DXO: variants seen among roughly 807,000 people sequenced by gnomAD.
DXO encodes the protein decapping exoribonuclease.
In DXO, 42 loss-of-function variants were observed where a neutral mutation model predicts 39.8. The observed-to-expected ratio is 1.06, with a 90% confidence interval of 0.83 to 1.37. The LOEUF (loss-of-function observed/expected upper bound fraction) is 1.37, where lower values mean the gene tolerates loss of function less well. Ranked by LOEUF, DXO falls within the 40% of genes most tolerant of loss-of-function variation. The pLI, the probability that DXO is intolerant of heterozygous loss-of-function variation, is 0.00. For synonymous variants in DXO, 193 were observed against 200.4 expected (o/e 0.96, Z 0.31); for missense variants, 495 against 513.0 (o/e 0.96, Z 0.34).
rs767879196 is a variant in DXO, at chr6:31,971,290, C to T, written c.356+30G>A. On this transcript the variant is annotated intron_variant, in intron 2 of 6. Transcript: ENST00000337523. The surrounding 1 kb of genome is among the most constrained non-coding windows in gnomAD (Gnocchi z 4.5). ...ATTTTAGAGGGTAGGTACGGGTCTCCAGATATACTGCCTACCACGCTTTGC... is the reference window on the plus strand; with the variant it reads ...ATTTTAGAGGGTAGGTACGGGTCTCTAGATATACTGCCTACCACGCTTTGC... 5 of 1,537,402 alleles carry T rather than the reference C, an allele frequency of 3.3e-6. No individual in the cohort carries two copies. The African/African-American group carries it at 4.1e-5, about 13-fold the overall frequency.
At position 31,970,463 on chromosome 6, in the gene DXO, T is replaced by A; in HGVS notation, c.828A>T (p.Lys276Asn). 6.2e-7 allele frequency: 1 copy of A among 1,613,974 alleles called. No homozygotes were observed. Among genetic ancestry groups the A allele is most frequent in the Non-Finnish European group, 8.5e-7 (1 of 1,179,976 alleles). The change falls in exon 5 of 7, where the codon AAA becomes AAT. Residue 276 changes from lysine (K) to asparagine (N), a missense_variant. Coordinates refer to ENST00000337523, the MANE Select transcript of DXO (RefSeq NM_005510.4). The surrounding 1 kb of genome is among the most constrained non-coding windows in gnomAD (Gnocchi z 4.0). ...WRSFYRHKLL[K>N]WWAQSFLPGV... ...CTGGGAGGAATGACTGAGCCCACCA[T>A]TTCAGGAGCTTGTGTCTGACAGGAA...
In DXO at chr6:31,971,596, G is replaced by T. The variant is rs771600493; in HGVS notation, c.80C>A (p.Pro27His). The T allele has an allele frequency of 1.2e-5, 19 of 1,613,634 alleles. No individual in the cohort carries two copies. Among genetic ancestry groups the T allele is most frequent in the Non-Finnish European group, 1.6e-5 (19 of 1,180,038 alleles). The change falls in exon 2 of 7, where the codon CCT becomes CAT. Residue 27 changes from proline (P) to histidine (H), a missense_variant. Pro to His is a moderately conservative substitution (Grantham distance 77). Coordinates refer to ENST00000337523, the MANE Select transcript of DXO (RefSeq NM_005510.4). This position sits in a 1 kb window ranked among gnomAD's most constrained non-coding sequence, Gnocchi z 4.5. ...GAGGGCAGGGTCTGTGGGCAGAGAAGGTGCTGGACGAGGTAGTTTGTTCCG... is the reference window on the plus strand; with the variant it reads ...GAGGGCAGGGTCTGTGGGCAGAGAATGTGCTGGACGAGGTAGTTTGTTCCG... ...EPRNKLPRPA[P>H]SLPTDPALYS...
In DXO at chr6:31,971,809, C is replaced by T; in HGVS notation, c.-7+120G>A. 7.6e-7 allele frequency: 1 copy of T among 1,316,252 alleles called. No individual in the cohort carries two copies. Among genetic ancestry groups the T allele is most frequent in the Non-Finnish European group, 1.0e-6 (1 of 985,848 alleles). The allele number at this position is 1,316,252 out of a possible 1,614,324, so 81.5% of individuals were successfully genotyped here. ...TTGAAACATTCAGGCCCCTCAGACG[C>T]CACCGCGGCCAAGCTCTCATCCTGC... is the stretch of plus-strand genomic sequence containing the variant. On this transcript the variant is annotated intron_variant, in intron 1 of 6. Transcript: ENST00000337523. This position sits in a 1 kb window ranked among gnomAD's most constrained non-coding sequence, Gnocchi z 4.5.
chr6:31,971,531 G>A lies in DXO; in HGVS notation c.145C>T (p.Leu49=). ...PFPFYRRPSE[L]GCFSLDAQRQ... ...TGAGCATCCAGGGAGAAGCAGCCCA[G>A]TTCCGAAGGGCGCCGGTAGAAAGGA... Residue 49 remains leucine, a synonymous_variant, in exon 2 of 7, where the codon CTG becomes TTG. Transcript: ENST00000337523. The surrounding 1 kb of genome is among the most constrained non-coding windows in gnomAD (Gnocchi z 4.5). The A allele has an allele frequency of 6.2e-7, 1 of 1,614,218 alleles. No individual in the cohort carries two copies. The highest frequency in any genetic ancestry group is 8.5e-7 in the Non-Finnish European group (1 of 1,180,042).
Position 31,969,899 on chromosome 6 carries a change from G to C in DXO, c.1169C>G (p.Pro390Arg), listed in dbSNP as rs766101164. Residue 390 changes from proline to arginine, a missense_variant, in exon 7 of 7, where the codon CCC (proline) becomes CGC (arginine). Pro to Arg is a moderately radical substitution (Grantham distance 103, BLOSUM62 -2). Coordinates refer to ENST00000337523, the MANE Select transcript of DXO (RefSeq NM_005510.4). The surrounding 1 kb of genome is among the most constrained non-coding windows in gnomAD (Gnocchi z 6.1). ...EAMTQDLPSP[P>R]KTPSPK is the part of the protein sequence containing the mutation. ...TTACTATTTGGGAGAGGGAGTCTTG[G>C]GGGGTGATGGGAGGTCCTGAGTCAT... 4 of 1,613,984 alleles carry C rather than the reference G, an allele frequency of 2.5e-6. No homozygotes were observed. The highest frequency in any genetic ancestry group is 2.2e-5 in the East Asian group (1 of 44,892).
chr6:31,971,183 C>G lies in DXO; in HGVS notation c.357-36G>C, dbSNP rs774932520. The G allele has an allele frequency of 1.9e-6, 3 of 1,603,694 alleles. No individual in the cohort carries two copies. The highest frequency in any genetic ancestry group is 1.7e-4 in the Middle Eastern group (1 of 6,030). ...GGAGTTACAGGCTGAAGGTCTGACA[C>G]AAGCATTAGTGAGATGCTCCCCTCG... On this transcript the variant is annotated intron_variant, in intron 2 of 6. Coordinates refer to ENST00000337523, the MANE Select transcript of DXO (RefSeq NM_005510.4). This position sits in a 1 kb window ranked among gnomAD's most constrained non-coding sequence, Gnocchi z 4.5.
In DXO at chr6:31,970,007, G is replaced by A; in HGVS notation, c.1061C>T (p.Ser354Phe). Residue 354 changes from serine (S) to phenylalanine (F), a missense_variant, in exon 7 of 7, where the codon TCT becomes TTT. Transcript: ENST00000337523. The surrounding 1 kb of genome is among the most constrained non-coding windows in gnomAD (Gnocchi z 4.0). ...GGTGACTGGGCCGCCAGGCTCCCAA[G>A]AGAAGAGATGAACGAGCCTGGGGGG... ...QDDPRLVHLFSWEPGGPVTVS... is the reference protein window; with the variant it reads ...QDDPRLVHLFFWEPGGPVTVS... The A allele has an allele frequency of 6.2e-7, 1 of 1,614,062 alleles. No individual in the cohort carries two copies. The highest frequency in any genetic ancestry group is 1.1e-5 in the South Asian group (1 of 91,078).
In DXO at chr6:31,970,430, C is replaced by T. The variant is rs374204728; in HGVS notation, c.861G>A (p.Pro287=). Residue 287 remains proline, a synonymous_variant, in exon 5 of 7, where the codon CCG becomes CCA. Transcript: ENST00000337523. The surrounding 1 kb of genome is among the most constrained non-coding windows in gnomAD (Gnocchi z 4.0). ...WWAQSFLPGV[P]NVVAGFRNPD... is the part of the protein sequence containing the mutation. ...GGTTACGGAAGCCAGCAACAACATTCGGGACCCCTGGGAGGAATGACTGAG... is the reference window on the plus strand; with the variant it reads ...GGTTACGGAAGCCAGCAACAACATTTGGGACCCCTGGGAGGAATGACTGAG... The T allele has an allele frequency of 1.9e-5, 30 of 1,613,976 alleles. No individual in the cohort carries two copies. The highest frequency in any genetic ancestry group is 2.3e-5 in the Non-Finnish European group (27 of 1,180,016).
chr6:31,970,394 A>C lies in DXO; in HGVS notation c.897T>G (p.Phe299Leu). The part of the protein sequence containing the change: ...VVAGFRNPDG[F>L]VSSLKTFPTM... ...TAGGAAAGGTCTTGAGGGAAGAGACAAAACCGTCTGGGTTACGGAAGCCAG... is the reference window on the plus strand; with the variant it reads ...TAGGAAAGGTCTTGAGGGAAGAGACCAAACCGTCTGGGTTACGGAAGCCAG... Residue 299 changes from phenylalanine (F) to leucine (L), a missense_variant, in exon 5 of 7, where the codon TTT becomes TTG. Phe to Leu is a conservative substitution (Grantham distance 22, BLOSUM62 0). Transcript: ENST00000337523. This position sits in a 1 kb window ranked among gnomAD's most constrained non-coding sequence, Gnocchi z 4.0. 6.2e-7 allele frequency: 1 copy of C among 1,614,148 alleles called. No homozygotes were observed.
In DXO at chr6:31,971,388, G is replaced by T. The variant is rs1298967386; in HGVS notation, c.288C>A (p.Asp96Glu). 6 of 1,584,676 alleles carry T rather than the reference G, an allele frequency of 3.8e-6. No individual in the cohort carries two copies. Among genetic ancestry groups the T allele is most frequent in the Non-Finnish European group, 3.4e-6 (4 of 1,162,236 alleles). The change falls in exon 2 of 7, where the codon GAC becomes GAA. Residue 96 changes from aspartate to glutamate, a missense_variant. Asp to Glu is a conservative substitution (Grantham distance 45). Transcript: ENST00000337523. The surrounding 1 kb of genome is among the most constrained non-coding windows in gnomAD (Gnocchi z 4.5). ...GGTCCAGCCTTTCCTGGACCTCCTC[G>T]TCCCGGGGCTGGTATCGATCCGGGT... is the stretch of plus-strand genomic sequence containing the variant. ...DGYPDRYQPR[D>E]EEVQERLDHL... is the part of the protein sequence containing the mutation.
Position 31,970,272 on chromosome 6 carries a change from T to G in DXO, c.949-69A>C. The G allele has an allele frequency of 6.2e-7, 1 of 1,613,880 alleles. No individual in the cohort carries two copies. The highest frequency in any genetic ancestry group is 2.2e-5 in the East Asian group (1 of 44,884). On this transcript the variant is annotated intron_variant, in intron 5 of 6. Transcript: ENST00000337523. The surrounding 1 kb of genome is among the most constrained non-coding windows in gnomAD (Gnocchi z 4.0). ...GGTGGGAGGAGAGAAGGCAGGCTGT[T>G]GCCCTGGATGCTAGACCTGTGGTCT...
Position 31,970,332 on chromosome 6 carries a change from C to A in DXO, c.948+11G>T, listed in dbSNP as rs747706401. On this transcript the variant is annotated intron_variant, in intron 5 of 6. Transcript: ENST00000337523. This position sits in a 1 kb window ranked among gnomAD's most constrained non-coding sequence, Gnocchi z 4.0. Reference sequence around the variant, plus strand: ...GGGATACGGGTGGGAGCTGCAACATCGTTCCCTTACCCTGACATATTCAAA... The same window carrying A: ...GGGATACGGGTGGGAGCTGCAACATAGTTCCCTTACCCTGACATATTCAAA... The A allele has an allele frequency of 1.9e-6, 3 of 1,613,890 alleles. No individual in the cohort carries two copies. In the African/African-American group the frequency reaches 4.0e-5, roughly 22 times the overall value.
rs943728894 is a variant in DXO, at chr6:31,970,907, C to T, written c.592+5G>A. 1.9e-6 allele frequency: 3 copies of T among 1,610,528 alleles called. No individual in the cohort carries two copies. Among genetic ancestry groups the T allele is most frequent in the Non-Finnish European group, 2.5e-6 (3 of 1,177,970 alleles). On this transcript the variant is annotated splice_donor_5th_base_variant and intron_variant, in intron 3 of 6. Coordinates refer to ENST00000337523, the MANE Select transcript of DXO (RefSeq NM_005510.4). This position sits in a 1 kb window ranked among gnomAD's most constrained non-coding sequence, Gnocchi z 4.0. ...GAAGGGGGCTATGAAGCAGGGGCAA[C>T]TCACCTGCACACATGTACTGCTCAA...
Position 31,971,834 on chromosome 6 carries a change from C to T in DXO, c.-7+95G>A. On this transcript the variant is annotated intron_variant, in intron 1 of 6. Transcript: ENST00000337523. This position sits in a 1 kb window ranked among gnomAD's most constrained non-coding sequence, Gnocchi z 4.5. Reference sequence around the variant, plus strand: ...CCACCGCGGCCAAGCTCTCATCCTGCCTCTTTCCTTGCCCTTCACCCACCC... The same window carrying T: ...CCACCGCGGCCAAGCTCTCATCCTGTCTCTTTCCTTGCCCTTCACCCACCC... The T allele has an allele frequency of 7.5e-7, 1 of 1,331,342 alleles. No homozygotes were observed. Among genetic ancestry groups the T allele is most frequent in the Non-Finnish European group, 1.0e-6 (1 of 997,024 alleles). The allele number at this position is 1,331,342 out of a possible 1,614,324, so 82.5% of individuals were successfully genotyped here. A position where few individuals can be genotyped will look rare whatever the true frequency, so the allele number is the denominator to read the frequency against.
Position 31,970,491 on chromosome 6 carries a change from G to A in DXO, c.813-13C>T. 1 of 1,614,050 alleles carries A rather than the reference G, an allele frequency of 6.2e-7. No individual in the cohort carries two copies. The highest frequency in any genetic ancestry group is 1.1e-5 in the South Asian group (1 of 91,080). On this transcript the variant is annotated splice_polypyrimidine_tract_variant and intron_variant, in intron 4 of 6. Coordinates refer to ENST00000337523, the MANE Select transcript of DXO (RefSeq NM_005510.4). This position sits in a 1 kb window ranked among gnomAD's most constrained non-coding sequence, Gnocchi z 4.0. Reference sequence around the variant, plus strand: ...CAGGAGCTTGTGTCTGACAGGAAAAGCAAGGGATCAGTGGGACCCCTCGTG... The same window carrying A: ...CAGGAGCTTGTGTCTGACAGGAAAAACAAGGGATCAGTGGGACCCCTCGTG...
At position 31,971,868 on chromosome 6, in the gene DXO, G is replaced by A; in HGVS notation, c.-7+61C>T. ...TTGCCCTTCACCCACCCTCCCTCCA[G>A]GTCCTCCAAATGCAGTGAGGTTAGG... On this transcript the variant is annotated intron_variant, in intron 1 of 6. Coordinates refer to ENST00000337523, the MANE Select transcript of DXO (RefSeq NM_005510.4). The surrounding 1 kb of genome is among the most constrained non-coding windows in gnomAD (Gnocchi z 4.5). The A allele has an allele frequency of 1.4e-6, 2 of 1,426,536 alleles. No homozygotes were observed. Among genetic ancestry groups the A allele is most frequent in the Non-Finnish European group, 9.3e-7 (1 of 1,069,956 alleles). 88.4% of individuals were successfully genotyped at this position (1,426,536 alleles called of 1,614,324 possible). A position where few individuals can be genotyped will look rare whatever the true frequency, so the allele number is the denominator to read the frequency against.
rs1314280635 is a variant in DXO at position 31,970,103 on chromosome 6, C to A, written c.1043+6G>T. ...CAGAGGGGAGGGACAGAGCTGAATG[C>A]CTCACCTGGGGTCATCCTGGACAAC... On this transcript the variant is annotated splice_donor_region_variant and intron_variant, in intron 6 of 6. Transcript: ENST00000337523. This position sits in a 1 kb window ranked among gnomAD's most constrained non-coding sequence, Gnocchi z 4.0. 6.2e-7 allele frequency: 1 copy of A among 1,613,740 alleles called. No homozygotes were observed. The highest frequency in any genetic ancestry group is 8.5e-7 in the Non-Finnish European group (1 of 1,180,012).
chr6:31,971,645 C>T lies in DXO; in HGVS notation c.31G>A (p.Glu11Lys). 1 of 1,609,766 alleles carries T rather than the reference C, an allele frequency of 6.2e-7. No homozygotes were observed. Among genetic ancestry groups the T allele is most frequent in the South Asian group, 1.1e-5 (1 of 91,072 alleles). MDPRGTKRGA[E>K]KTEVAEPRNK... ...CGAGGCTCAGCTACCTCTGTCTTCT[C>T]AGCTCCTCTCTTGGTCCCCCTGGGA... Residue 11 changes from glutamate (E) to lysine (K), a missense_variant, in exon 2 of 7, where the codon GAG becomes AAG. Physicochemically the swap from Glu to Lys is moderately conservative, Grantham distance 56 (BLOSUM62 1). Transcript: ENST00000337523. The surrounding 1 kb of genome is among the most constrained non-coding windows in gnomAD (Gnocchi z 4.5).
Position 31,970,481 on chromosome 6 carries a change from G to A in DXO, c.813-3C>T, listed in dbSNP as rs368064501. 6.2e-7 allele frequency: 1 copy of A among 1,613,964 alleles called. No homozygotes were observed. Among genetic ancestry groups the A allele is most frequent in the Non-Finnish European group, 8.5e-7 (1 of 1,180,010 alleles). On this transcript the variant is annotated splice_region_variant and splice_polypyrimidine_tract_variant and intron_variant, in intron 4 of 6. Transcript: ENST00000337523. The surrounding 1 kb of genome is among the most constrained non-coding windows in gnomAD (Gnocchi z 4.0). ...CCCACCATTTCAGGAGCTTGTGTCT[G>A]ACAGGAAAAGCAAGGGATCAGTGGG...
Sources: gnomAD v4.1 joint callset for allele counts on GRCh38, gnomAD v4.1.1 for gene constraint, Gnocchi (gnomAD v3.1) non-coding constraint, MANE v1.5 for transcripts, NCBI Gene and HGNC (gene_info 2026-07-23, HGNC 2026-07-21) for gene names.